Variants in SLU7 observed in about 807,000 individuals in gnomAD.
The protein encoded by SLU7 is spliceosome associated SLU7.
Under a neutral mutation model 87.0 loss-of-function variants are expected in SLU7, and 60 were observed. That is an observed-to-expected ratio of 0.69 (90% CI 0.56 to 0.86). The LOEUF is 0.86. Among genes scored for constraint, SLU7 ranks in the 40% least tolerant of loss-of-function variants. SLU7 has a pLI of 0.00. For synonymous variants in SLU7, 197 were observed against 222.0 expected, an observed-to-expected ratio of 0.89 and a Z score of 1.00; for missense variants, 507 against 686.6, an observed-to-expected ratio of 0.74 and a Z score of 2.92.
Position 160,412,323 on chromosome 5 carries a change from T to C in SLU7, c.639+128A>G, listed in dbSNP as rs1581070298. 13 of 637,272 alleles carry C rather than the reference T, an allele frequency of 2.0e-5. 1 individual carries two copies. The South Asian group carries it at 2.3e-4, about 11-fold the overall frequency. 39.5% of individuals were successfully genotyped at this position (637,272 alleles called of 1,614,324 possible). On this transcript the variant is annotated intron_variant, in intron 6 of 15. Coordinates refer to ENST00000297151, the MANE Select transcript of SLU7 (RefSeq NM_006425.5). ...CTATGAACTGTATACAAAGTATCAG[T>C]TTTATTTTTCCCCCAATAGCATTTC... is the stretch of plus-strand genomic sequence containing the variant.
intron 6 of SLU7, 62 bp downstream of exon 6, chr5:160,412,389 C>T: frequency 9.8e-7 from 1 of 1,021,194 alleles, no homozygotes; most frequent in Non-Finnish European, 1.5e-6. Context: ...ATTCTTGTTT[C>T]AATTTTCATT....
intron 15 of SLU7, among the ~76,000 whole-genome samples, chr5:160,404,092 G>A (rs1764897303): frequency 1.3e-5 from 2 of 152,160 alleles, no homozygotes; most frequent in African/African-American, 2.4e-5. Context: ...TGGCAAGAAC[G>A]GTGGCTCATG....
In SLU7 at chr5:160,407,989, G is replaced by T; in HGVS notation, c.899C>A (p.Ala300Glu). ...RAMRENPYAN[A>E]GKNPDEVSYA... ...TACTTACTCATCTGGATTCTTTCCTGCATTGGCATAAGGATTCTCTCTCAT... is the reference window on the plus strand; with the variant it reads ...TACTTACTCATCTGGATTCTTTCCTTCATTGGCATAAGGATTCTCTCTCAT... Residue 300 changes from alanine to glutamate, a missense_variant, in exon 9 of 16, where the codon GCA (alanine) becomes GAA (glutamate). Around this residue, in one of 6 missense-constraint regions of SLU7, gnomAD observed 49 missense variants for 144.1 expected, o/e 0.34. Transcript: ENST00000297151. This position sits in a 1 kb window ranked among gnomAD's most constrained non-coding sequence, Gnocchi z 4.2. 2 of 1,611,476 alleles carry T rather than the reference G, an allele frequency of 1.2e-6. No homozygotes were observed. Among genetic ancestry groups the T allele is most frequent in the African/African-American group, 1.3e-5 (1 of 74,996 alleles).
chr5:160,404,419 T>C (rs961200617), intron 15 of SLU7, 21 bp downstream of exon 15: 1 of 1,366,658 alleles, frequency 7.3e-7, no homozygotes, highest in Non-Finnish European at 1.0e-6. Flanking sequence ...TCACTTTTAC[T>C]ATTTAGACTT....
chr5:160,414,498 AATTTAAGGAT>A, intron 2 of SLU7, 26 bp from the exon 3 acceptor site: 1 of 1,448,012 alleles, frequency 6.9e-7, no homozygotes, highest in Non-Finnish European at 9.3e-7. Flanking sequence ...AAAAAAAAAA[AATTTAAGGAT>A]AAAATTGGAA....
chr5:160,416,689 C>G (rs1765469632), intron 1 of SLU7, among the ~76,000 whole-genome samples: 1 of 152,228 alleles, frequency 6.6e-6, no homozygotes, highest in Admixed American at 6.5e-5. Context: ...CTACTTCTTT[C>G]CATTCTTACT....
At chr5:160,404,955 A>T (rs1000199380) in intron 13 of SLU7, 75 bp from the exon 14 acceptor site, 8 of 1,509,508 alleles carry the variant, frequency 5.3e-6, no homozygotes, top group Admixed American at 3.4e-5. Flanking sequence ...AATTTGAAAC[A>T]TGAGACAGCA....
chr5:160,405,200 G>T lies in SLU7; in HGVS notation c.1288-65C>A. 6 of 1,093,674 alleles carry T rather than the reference G, an allele frequency of 5.5e-6. 1 individual carries two copies. The South Asian group carries it at 6.5e-5, about 12-fold the overall frequency. The allele number at this position is 1,093,674 out of a possible 1,614,324, so 67.7% of individuals were successfully genotyped here. A position where few individuals can be genotyped will look rare whatever the true frequency, so the allele number is the denominator to read the frequency against. On this transcript the variant is annotated intron_variant, in intron 12 of 15. Transcript: ENST00000297151. Reference sequence around the variant, plus strand: ...AAATTAGAAACTTCTGTATACTGTTGATAAGAGTATAAAATAATACAGCCC... The same window carrying T: ...AAATTAGAAACTTCTGTATACTGTTTATAAGAGTATAAAATAATACAGCCC...
Position 160,405,107 on chromosome 5 carries a change from C to A in SLU7, c.1316G>T (p.Gly439Val). The A allele has an allele frequency of 2.5e-6, 4 of 1,613,544 alleles. No individual in the cohort carries two copies. The highest frequency in any genetic ancestry group is 3.4e-6 in the Non-Finnish European group (4 of 1,179,572). The change falls in exon 13 of 16, where the codon GGC becomes GTC. Residue 439 changes from glycine to valine, a missense_variant. This residue lies in a region of SLU7 where 201 missense variants were observed against 213.4 expected (regional missense o/e 0.94). Coordinates refer to ENST00000297151, the MANE Select transcript of SLU7 (RefSeq NM_006425.5). ...THIWGSYWKE[G>V]RWGYKCCHSF... ...GTGACAGCATTTGTATCCCCATCGGCCTTCTTTCCAGTACGATCCCCAGAT... is the reference window on the plus strand; with the variant it reads ...GTGACAGCATTTGTATCCCCATCGGACTTCTTTCCAGTACGATCCCCAGAT...
rs1764813920 is a variant in SLU7 at position 160,402,262 on chromosome 5, A to AT, written c.*1022dup. 1 of 152,220 alleles carries AT rather than the reference A, an allele frequency of 6.6e-6. No homozygotes were observed. The highest frequency in any genetic ancestry group is 2.4e-5 in the African/African-American group (1 of 41,446). 9.4% of individuals were successfully genotyped at this position (152,220 alleles called of 1,614,324 possible). On this transcript the variant is annotated 3_prime_UTR_variant, in exon 16 of 16. Transcript: ENST00000297151. ...ATGAAAACAAACGGTAATGTAAACC[A>AT]TATCCTCTATGATAAAGGAAAGGAT...
At chr5:160,410,020 G>A (rs181772874) in intron 6 of SLU7, among the ~76,000 whole-genome samples, 5 of 152,216 alleles carry the variant, frequency 3.3e-5, no homozygotes, top group Admixed American at 3.3e-4. Flanking sequence ...AATAAATGAT[G>A]CTATAGGTCT....
In SLU7 at chr5:160,402,694, G is replaced by C. The variant is rs1295626627; in HGVS notation, c.*591C>G. Reference sequence around the variant, plus strand: ...GAAAGAGACATTCTTAATAGGTAGAGAGCCAAGGCTTTTTTACATGACTCA... The same window carrying C: ...GAAAGAGACATTCTTAATAGGTAGACAGCCAAGGCTTTTTTACATGACTCA... On this transcript the variant is annotated 3_prime_UTR_variant, in exon 16 of 16. Transcript: ENST00000297151. The C allele has an allele frequency of 6.6e-6, 1 of 152,110 alleles. No individual in the cohort carries two copies. The highest frequency in any genetic ancestry group is 2.4e-5 in the African/African-American group (1 of 41,432). 9.4% of individuals were successfully genotyped at this position (152,110 alleles called of 1,614,324 possible). A position where few individuals can be genotyped will look rare whatever the true frequency, so the allele number is the denominator to read the frequency against.
intron 3 of SLU7, 105 bp downstream of exon 3, chr5:160,414,214 G>A: frequency 1.1e-6 from 1 of 921,510 alleles, no homozygotes; most frequent in Non-Finnish European, 1.6e-6. Flanking sequence ...CAGATAAAGG[G>A]TTTTATTATC....
intron 1 of SLU7, among the ~76,000 whole-genome samples, chr5:160,415,916 A>T (rs573811520): frequency 6.6e-6 from 1 of 151,808 alleles, no homozygotes; most frequent in Non-Finnish European, 1.5e-5. Flanking sequence ...TTTTAGAGAC[A>T]GAGTCTCGCT....
rs1285229007 is a variant in SLU7, at chr5:160,412,160, CATG to C, written c.639+288_639+290del. Among the ~76,000 whole-genome samples, 21 of 152,242 alleles carry C rather than the reference CATG, an allele frequency of 1.4e-4. 1 individual carries two copies. Among genetic ancestry groups the C allele is most frequent in the East Asian group, 1.2e-3 (6 of 5,188 alleles). Reference sequence around the variant, plus strand: ...AAAATGCTGTACTATCTTTATGCATCATGATTTTTCTAAACTCTAGAAAATTCT... The same window carrying C: ...AAAATGCTGTACTATCTTTATGCATCATTTTTCTAAACTCTAGAAAATTCT... On this transcript the variant is annotated intron_variant, in intron 6 of 15. Coordinates refer to ENST00000297151, the MANE Select transcript of SLU7 (RefSeq NM_006425.5).
At chr5:160,416,698 C>T (rs1196085842) in intron 1 of SLU7, among the ~76,000 whole-genome samples, 1 of 152,226 alleles carries the variant, frequency 6.6e-6, no homozygotes, top group Non-Finnish European at 1.5e-5. Context: ...TCCATTCTTA[C>T]TGCTACCACC....
intron 6 of SLU7, among the ~76,000 whole-genome samples, chr5:160,410,516 T>C (rs1055245798): frequency 3.3e-5 from 5 of 151,842 alleles, no homozygotes; most frequent in African/African-American, 1.2e-4. Context: ...CATGTATACA[T>C]ACGTAACAAA....
chr5:160,416,722 T>C (rs920398432), intron 1 of SLU7, among the ~76,000 whole-genome samples: 2 of 152,252 alleles, frequency 1.3e-5, no homozygotes, highest in Non-Finnish European at 2.9e-5. Context: ...GTGTAAGTTA[T>C]TACTTTTTCC....
chr5:160,406,328 A>C (rs1581062203), intron 12 of SLU7, 140 bp downstream of exon 12: 1 of 654,842 alleles, frequency 1.5e-6, no homozygotes, highest in Middle Eastern at 2.8e-4. Context: ...TTTTTGAAAA[A>C]ATTCCATGAA....
Sources: allele counts gnomAD v4.1 joint callset (sites outside exome capture counted in the v4.1 genomes callset), GRCh38; gene constraint gnomAD v4.1.1; regional missense constraint gnomAD v4.1.1; non-coding constraint Gnocchi (gnomAD v3.1); transcripts MANE v1.5; gene names NCBI Gene and HGNC (gene_info 2026-07-23, HGNC 2026-07-21).